The following CA10 variants were observed in gnomAD, a reference collection of about 807,000 sequenced individuals.
CA10 encodes the protein carbonic anhydrase-related protein 10.
A neutral mutation model predicts 44.2 loss-of-function variants in CA10; 14 were observed. The ratio of observed to expected loss-of-function variants is 0.32; its 90% CI spans 0.21 to 0.50. CA10 has a LOEUF of 0.50. Ranked by LOEUF, CA10 falls within the 20% of genes least tolerant of loss-of-function variation. CA10 has a pLI of 0.99. For missense variants in CA10, 350 were observed against 409.7 expected, an observed-to-expected ratio of 0.85 and a Z score of 1.26; for synonymous variants, 159 against 141.6, an observed-to-expected ratio of 1.12 and a Z score of -0.87.
intron 2 of CA10, among the ~76,000 whole-genome samples, chr17:52,033,303 C>A: frequency 6.6e-6 from 1 of 151,994 alleles, no homozygotes; most frequent in East Asian, 1.9e-4. Context: ...CTGACAATGC[C>A]AAGTACTCAT....
At chr17:51,985,770 C>A (rs890715909) in intron 2 of CA10, among the ~76,000 whole-genome samples, 2 of 151,424 alleles carry the variant, frequency 1.3e-5, no homozygotes, top group African/African-American at 4.8e-5. Flanking sequence ...TATAAAAAAA[C>A]AAAAATACTT....
chr17:52,000,682 T>C (rs907919177), intron 2 of CA10, among the ~76,000 whole-genome samples: 1 of 152,016 alleles, frequency 6.6e-6, no homozygotes, highest in Non-Finnish European at 1.5e-5. Flanking sequence ...GAAATAATGA[T>C]AGAGCTGATA....
Position 51,649,174 on chromosome 17 carries a change from A to C in CA10, c.634+8T>G, listed in dbSNP as rs1273904402. On this transcript the variant is annotated splice_region_variant and intron_variant, in intron 6 of 8. Coordinates refer to ENST00000451037, the MANE Select transcript of CA10 (RefSeq NM_020178.5). ...TAGTTGCTGTGGAGGAAATTGAACC[A>C]AACTTACTTTTATATGTTATTCTTG... The C allele has an allele frequency of 2.5e-6, 4 of 1,607,462 alleles. No individual in the cohort carries two copies. The highest frequency in any genetic ancestry group is 3.4e-6 in the Non-Finnish European group (4 of 1,174,096).
intron 3 of CA10, among the ~76,000 whole-genome samples, chr17:51,906,749 T>TC (rs775960746): frequency 1.3e-5 from 2 of 152,114 alleles, no homozygotes; most frequent in Non-Finnish European, 2.9e-5. Flanking sequence ...GTCCACTCCT[T>TC]CCTCAGTCTT....
At chr17:52,059,359 T>C (rs1233926974) in intron 2 of CA10, among the ~76,000 whole-genome samples, 1 of 152,172 alleles carries the variant, frequency 6.6e-6, no homozygotes, top group Non-Finnish European at 1.5e-5. Context: ...GCTCCTGATA[T>C]GCTAAGTGAC....
chr17:51,784,473 T>G (rs941855075), intron 3 of CA10, among the ~76,000 whole-genome samples: 2 of 152,210 alleles, frequency 1.3e-5, no homozygotes, highest in Non-Finnish European at 2.9e-5. Context: ...TCTGTCTGAA[T>G]GGATTTTTTA....
intron 3 of CA10, among the ~76,000 whole-genome samples, chr17:51,795,221 C>G (rs754220235): frequency 7.2e-5 from 11 of 152,176 alleles, no homozygotes; most frequent in Non-Finnish European, 1.2e-4. Context: ...TTCCTGAGGA[C>G]CTTCCTGGGC....
At chr17:52,088,308 T>C (rs750032323) in intron 1 of CA10, among the ~76,000 whole-genome samples, 1 of 152,230 alleles carries the variant, frequency 6.6e-6, no homozygotes, top group Non-Finnish European at 1.5e-5. Flanking sequence ...TTTAGGATAA[T>C]TAGTTCAGTA....
intron 6 of CA10, among the ~76,000 whole-genome samples, chr17:51,641,475 G>A (rs1437117779): frequency 6.6e-6 from 1 of 152,172 alleles, no homozygotes; most frequent in Non-Finnish European, 1.5e-5. Flanking sequence ...TGAGAGTGTT[G>A]TAATTTTGTA....
Position 51,795,292 on chromosome 17 carries a change from C to T in CA10, c.280-47474G>A, listed in dbSNP as rs556798313. Among the ~76,000 whole-genome samples the T allele has an allele frequency of 7.2e-4, 110 of 152,264 alleles. 1 individual carries two copies. The highest frequency in any genetic ancestry group is 6.8e-3 in the Middle Eastern group (2 of 294). ...ACACCATAAGATAAAACAGTGAGGA[C>T]CAACATTCGAAATGATGGCAGCAAG... On this transcript the variant is annotated intron_variant, in intron 3 of 8. Coordinates refer to ENST00000451037, the MANE Select transcript of CA10 (RefSeq NM_020178.5).
intron 3 of CA10, among the ~76,000 whole-genome samples, chr17:51,798,390 C>G (rs1174540668): frequency 6.6e-6 from 1 of 152,212 alleles, no homozygotes; most frequent in African/African-American, 2.4e-5. Flanking sequence ...AACTTTCATA[C>G]ATGCCCAATG....
intron 4 of CA10, among the ~76,000 whole-genome samples, chr17:51,723,970 C>A (rs1458871176): frequency 2.0e-5 from 3 of 152,124 alleles, no homozygotes; most frequent in Non-Finnish European, 4.4e-5. Flanking sequence ...CTCTGACATC[C>A]CTTGCCCTGG....
intron 3 of CA10, among the ~76,000 whole-genome samples, chr17:51,870,693 G>A (rs1485646366): frequency 1.3e-5 from 2 of 152,168 alleles, no homozygotes; most frequent in Admixed American, 6.5e-5. Flanking sequence ...GGAAGCAATC[G>A]CCATCAAGGA....
intron 2 of CA10, among the ~76,000 whole-genome samples, chr17:52,062,770 A>T (rs1335824471): frequency 6.6e-6 from 1 of 152,194 alleles, no homozygotes; most frequent in African/African-American, 2.4e-5. Context: ...ATTTCAGAGG[A>T]TGTATTGGAA....
At chr17:51,757,598 A>G (rs1905110370) in intron 3 of CA10, among the ~76,000 whole-genome samples, 1 of 152,222 alleles carries the variant, frequency 6.6e-6, no homozygotes. Context: ...ACCTAAGAAT[A>G]CTGACTCAAA....
chr17:51,988,122 C>A (rs1984909716), intron 2 of CA10, among the ~76,000 whole-genome samples: 1 of 151,904 alleles, frequency 6.6e-6, no homozygotes. Context: ...ACTTGCACTA[C>A]CTGTGAAGTT....
chr17:52,050,154 C>A (rs918552823), intron 2 of CA10, among the ~76,000 whole-genome samples: 1 of 152,048 alleles, frequency 6.6e-6, no homozygotes, highest in Non-Finnish European at 1.5e-5. Context: ...TCTCCCCACC[C>A]CAAACCTGAA....
intron 1 of CA10, among the ~76,000 whole-genome samples, chr17:52,124,590 A>G (rs1260824122): frequency 6.6e-6 from 1 of 152,218 alleles, no homozygotes; most frequent in Non-Finnish European, 1.5e-5. Context: ...TAAGATATTC[A>G]TAATTTGGCT....
chr17:52,118,196 T>C (rs1447135236), intron 1 of CA10, among the ~76,000 whole-genome samples: 3 of 152,318 alleles, frequency 2.0e-5, no homozygotes, highest in Admixed American at 6.5e-5. Context: ...TTACTATTAA[T>C]GTAAGGGTAA....
Sources: gnomAD v4.1 joint callset for allele counts (sites outside exome capture counted in the v4.1 genomes callset) on GRCh38, gnomAD v4.1.1 for gene constraint, MANE v1.5 for transcripts, NCBI Gene and HGNC (gene_info 2026-07-23, HGNC 2026-07-21) for gene names.